Variants in SLC6A19 observed in about 807,000 individuals in gnomAD.
SLC6A19 encodes solute carrier family 6 member 19.
In SLC6A19, 67 loss-of-function variants were observed where a neutral mutation model predicts 68.3. The observed-to-expected ratio is 0.98, with a 90% CI of 0.81 to 1.20. SLC6A19 has a LOEUF of 1.20. Among genes scored for constraint, SLC6A19 ranks in the 50% most tolerant of loss-of-function variants. SLC6A19 has a pLI of 0.00. For missense variants in SLC6A19, 813 were observed against 851.6 expected (o/e 0.95, Z 0.56); for synonymous variants, 392 against 374.9 (o/e 1.05, Z -0.53).
At chr5:1,201,919 C>T in intron 1 of SLC6A19, 67 bp downstream of exon 1, 2 of 1,538,912 alleles carry the variant, frequency 1.3e-6, no homozygotes, top group Admixed American at 1.8e-5. Context: ...CGCAGAGGCC[C>T]TGGGCAGACA....
At chr5:1,216,993 G>A in intron 8 of SLC6A19, 48 bp downstream of exon 8, 1 of 1,609,960 alleles carries the variant, frequency 6.2e-7, no homozygotes, top group Non-Finnish European at 8.5e-7. Context: ...CCCCTTGCTG[G>A]CACCTCAGAG....
chr5:1,208,696 C>G, intron 1 of SLC6A19, 50 bp from the exon 2 acceptor site: 1 of 1,612,396 alleles, frequency 6.2e-7, no homozygotes. Context: ...GGAGGCCTTC[C>G]TGCTCCCCCG....
Position 1,201,720 on chromosome 5 carries a change from A to T in SLC6A19, c.70A>T (p.Ile24Phe). The part of the protein sequence containing the change: ...RIPSLAELET[I>F]EQEEASSRPK... ...CCCGTCCCTGGCTGAGCTGGAGACCATCGAGCAGGAGGAGGCCAGCTCCCG... is the reference window on the plus strand; with the variant it reads ...CCCGTCCCTGGCTGAGCTGGAGACCTTCGAGCAGGAGGAGGCCAGCTCCCG... The change falls in exon 1 of 12, where the codon ATC becomes TTC. Residue 24 changes from isoleucine to phenylalanine, a missense_variant. Transcript: ENST00000304460. 6.2e-7 allele frequency: 1 copy of T among 1,612,414 alleles called. No individual in the cohort carries two copies.
In SLC6A19 at chr5:1,214,712, AG is replaced by A. The variant is rs1013292841; in HGVS notation, c.887+651del. On this transcript the variant is annotated intron_variant, in intron 6 of 11. Coordinates refer to ENST00000304460, the MANE Select transcript of SLC6A19 (RefSeq NM_001003841.3). The surrounding 1 kb of genome is among the most constrained non-coding windows in gnomAD (Gnocchi z 7.4). ...GTGGTGACCAGAATTTCAGAGCAGA[AG>A]GGGCTGGGGGTGAGGGAGGACTCCT... Among the ~76,000 whole-genome samples, 1 of 151,926 alleles carries A rather than the reference AG, an allele frequency of 6.6e-6. No homozygotes were observed. The highest frequency in any genetic ancestry group is 1.5e-5 in the Non-Finnish European group (1 of 67,982).
At position 1,201,739 on chromosome 5, in the gene SLC6A19, G is replaced by A. The variant is rs1182060613; in HGVS notation, c.89G>A (p.Ser30Asn). 6.2e-7 allele frequency: 1 copy of A among 1,612,680 alleles called. No individual in the cohort carries two copies. Among genetic ancestry groups the A allele is most frequent in the South Asian group, 1.1e-5 (1 of 91,082 alleles). The change falls in exon 1 of 12, where the codon AGC becomes AAC. Residue 30 changes from serine to asparagine, a missense_variant. Transcript: ENST00000304460. ...ELETIEQEEASSRPKWDNKAQ... is the reference protein window; with the variant it reads ...ELETIEQEEANSRPKWDNKAQ... ...GAGACCATCGAGCAGGAGGAGGCCA[G>A]CTCCCGGCCGAAGTGGGACAACAAG... is the stretch of plus-strand genomic sequence containing the variant.
In SLC6A19 at chr5:1,209,431, G is replaced by A. The variant is rs1420239389; in HGVS notation, c.343+545G>A. On this transcript the variant is annotated intron_variant, in intron 2 of 11. Coordinates refer to ENST00000304460, the MANE Select transcript of SLC6A19 (RefSeq NM_001003841.3). This position sits in a 1 kb window ranked among gnomAD's most constrained non-coding sequence, Gnocchi z 5.5. The stretch of plus-strand genomic sequence containing the variant: ...CAGGGTCCACTCCAGAGAGGAGTCT[G>A]AGTCCAGGAAGCACCTGCCCTTCGG... 6.6e-6 allele frequency among the ~76,000 whole-genome samples: 1 copy of A among 152,140 alleles called. No homozygotes were observed. The highest frequency in any genetic ancestry group is 1.5e-5 in the Non-Finnish European group (1 of 68,008).
chr5:1,219,011 G>T lies in SLC6A19; in HGVS notation c.1282G>T (p.Gly428Trp). 1.9e-6 allele frequency: 3 copies of T among 1,614,094 alleles called. No homozygotes were observed. Among genetic ancestry groups the T allele is most frequent in the Non-Finnish European group, 2.5e-6 (3 of 1,180,020 alleles). The change falls in exon 9 of 12, where the codon GGG becomes TGG. Residue 428 changes from glycine to tryptophan, a missense_variant. Coordinates refer to ENST00000304460, the MANE Select transcript of SLC6A19 (RefSeq NM_001003841.3). ...CTTCTTCATTATGCTCTTCTGCCTG[G>T]GGCTGTCATCTATGTTTGGGAACAT... ...VLFFIMLFCL[G>W]LSSMFGNMEG...
Position 1,212,532 on chromosome 5 carries a change from C to A in SLC6A19, c.663+48C>A. ...CTGCAGGTGCTCCAGAGGGCGGGTGCGGGCAGCCCTGCCTCCGGCCGGCTG... is the reference window on the plus strand; with the variant it reads ...CTGCAGGTGCTCCAGAGGGCGGGTGAGGGCAGCCCTGCCTCCGGCCGGCTG... On this transcript the variant is annotated intron_variant, in intron 4 of 11. Coordinates refer to ENST00000304460, the MANE Select transcript of SLC6A19 (RefSeq NM_001003841.3). This position sits in a 1 kb window ranked among gnomAD's most constrained non-coding sequence, Gnocchi z 5.1. 6.9e-6 allele frequency: 11 copies of A among 1,597,440 alleles called. No homozygotes were observed. The highest frequency in any genetic ancestry group is 9.3e-6 in the Non-Finnish European group (11 of 1,178,178).
In SLC6A19 at chr5:1,221,936, G is replaced by A; in HGVS notation, c.*32G>A. ...CCATCCCACGGCGTGCCATACACTG[G>A]TGTCAGGGAAGGAGGAACCAGCAAG... On this transcript the variant is annotated 3_prime_UTR_variant, in exon 12 of 12. Coordinates refer to ENST00000304460, the MANE Select transcript of SLC6A19 (RefSeq NM_001003841.3). 1 of 1,608,462 alleles carries A rather than the reference G, an allele frequency of 6.2e-7. No individual in the cohort carries two copies. Among genetic ancestry groups the A allele is most frequent in the Non-Finnish European group, 8.5e-7 (1 of 1,175,994 alleles).
At position 1,215,931 on chromosome 5, in the gene SLC6A19, G is replaced by A. The variant is rs548925168; in HGVS notation, c.888-627G>A. On this transcript the variant is annotated intron_variant, in intron 6 of 11. Transcript: ENST00000304460. This position sits in a 1 kb window ranked among gnomAD's most constrained non-coding sequence, Gnocchi z 5.1. ...TTTTGTTTCTGGCCATCCCAGCAGG[G>A]GTGTGGTGAGATCTCACTGCAGTTT... Among the ~76,000 whole-genome samples the A allele has an allele frequency of 3.9e-5, 6 of 152,322 alleles. No individual in the cohort carries two copies. In the East Asian group the frequency reaches 9.6e-4, roughly 24 times the overall value.
chr5:1,219,160 G>A, intron 9 of SLC6A19, 53 bp downstream of exon 9: 1 of 1,540,556 alleles, frequency 6.5e-7, no homozygotes, highest in Admixed American at 1.9e-5. Flanking sequence ...CCTGTGGGAT[G>A]GCAGCCCCCG....
At chr5:1,205,633 C>A (rs947244937) in intron 1 of SLC6A19, among the ~76,000 whole-genome samples, 1 of 152,152 alleles carries the variant, frequency 6.6e-6, no homozygotes, top group Non-Finnish European at 1.5e-5. Context: ...GGAGATGAAG[C>A]GATAGGAAGA....
chr5:1,213,052 C>T (rs575875183), intron 4 of SLC6A19, among the ~76,000 whole-genome samples: 73 of 139,796 alleles, frequency 5.2e-4, no homozygotes, highest in African/African-American at 1.8e-3. Context: ...CATACCCAGC[C>T]GCCCGCAGGC....
chr5:1,220,637 C>A (rs190867192), intron 10 of SLC6A19, among the ~76,000 whole-genome samples: 68 of 152,268 alleles, frequency 4.5e-4, no homozygotes, highest in Non-Finnish European at 5.0e-4. Flanking sequence ...ACCATGGGTA[C>A]CCACCTGGAC....
intron 1 of SLC6A19, among the ~76,000 whole-genome samples, chr5:1,206,091 A>G (rs1444934322): frequency 1.3e-5 from 2 of 152,134 alleles, no homozygotes; most frequent in South Asian, 2.1e-4. Flanking sequence ...GCCCTGCTCC[A>G]CTCAACAGGC....
At position 1,216,652 on chromosome 5, in the gene SLC6A19, C is replaced by T. The variant is rs142164435; in HGVS notation, c.982C>T (p.Arg328Cys). The T allele has an allele frequency of 2.0e-4, 322 of 1,613,954 alleles. No homozygotes were observed. The highest frequency in any genetic ancestry group is 2.6e-4 in the Non-Finnish European group (302 of 1,180,042). ...CGTGGTCTACTCCGTCATTGGGTTC[C>T]GCGCCACACAGCGCTACGACGACTG... Reference protein sequence around the residue: ...AIVVYSVIGFRATQRYDDCFS... With the variant: ...AIVVYSVIGFCATQRYDDCFS... Residue 328 changes from arginine to cysteine, a missense_variant, in exon 7 of 12, where the codon CGC (arginine) becomes TGC (cysteine). By Grantham distance (180) the Arg-to-Cys change is radical. Transcript: ENST00000304460.
chr5:1,201,862 C>T lies in SLC6A19; in HGVS notation c.202+10C>T. On this transcript the variant is annotated intron_variant, in intron 1 of 11. Transcript: ENST00000304460. ...CAGAGCCACGGAGGAGGTAGGCTGGCCGGGCGGGGCTGCGGGCGAGGCCGT... is the reference window on the plus strand; with the variant it reads ...CAGAGCCACGGAGGAGGTAGGCTGGTCGGGCGGGGCTGCGGGCGAGGCCGT... 1 of 1,606,740 alleles carries T rather than the reference C, an allele frequency of 6.2e-7. No homozygotes were observed. Among genetic ancestry groups the T allele is most frequent in the Non-Finnish European group, 8.5e-7 (1 of 1,178,840 alleles).
intron 1 of SLC6A19, among the ~76,000 whole-genome samples, chr5:1,206,393 T>G (rs1745854227): frequency 1.2e-5 from 1 of 80,058 alleles, no homozygotes; most frequent in African/African-American, 2.8e-5. Flanking sequence ...TCTCCCTGCC[T>G]CCCTCTCTGT....
rs1280231030 is a variant in SLC6A19, at chr5:1,213,504, C to T, written c.705C>T (p.Thr235=). ...CCACGCTGCCCTATGTCGTCCTGAC[C>T]ATCTTCCTCATCCGAGGCCTGACGC... ...ITSTLPYVVL[T]IFLIRGLTLK... is the part of the protein sequence containing the mutation. Residue 235 remains threonine (T), a synonymous_variant, in exon 5 of 12, where the codon ACC becomes ACT. Coordinates refer to ENST00000304460, the MANE Select transcript of SLC6A19 (RefSeq NM_001003841.3). The T allele has an allele frequency of 1.9e-6, 3 of 1,609,446 alleles. No individual in the cohort carries two copies. Among genetic ancestry groups the T allele is most frequent in the Non-Finnish European group, 2.5e-6 (3 of 1,178,992 alleles).
Sources: allele counts gnomAD v4.1 joint callset (sites outside exome capture counted in the v4.1 genomes callset), GRCh38; gene constraint gnomAD v4.1.1; non-coding constraint Gnocchi (gnomAD v3.1); transcripts MANE v1.5; gene names NCBI Gene and HGNC (gene_info 2026-07-23, HGNC 2026-07-21).